The following CNTNAP2 variants were observed in gnomAD, a reference collection of about 807,000 sequenced individuals.
CNTNAP2 encodes the protein contactin associated protein 2.
CNTNAP2 carries 98 observed loss-of-function variants against 155.2 expected under a neutral mutation model. The observed-to-expected ratio is 0.63, with a 90% CI of 0.54 to 0.75. CNTNAP2 has a LOEUF of 0.75. Ranked by LOEUF, CNTNAP2 falls within the 30% of genes least tolerant of loss-of-function variation. The probability of loss-of-function intolerance (pLI) is 0.00; values close to 1 mark genes in which losing one functional copy is unlikely to be tolerated. For synonymous variants in CNTNAP2, 651 were observed against 631.2 expected, an observed-to-expected ratio of 1.03 and a Z score of -0.47; for missense variants, 1,727 against 1,688.1, an observed-to-expected ratio of 1.02 and a Z score of -0.40.
intron 8 of CNTNAP2, among the ~76,000 whole-genome samples, chr7:147,290,142 A>C (rs568220622): frequency 1.6e-4 from 25 of 152,318 alleles, no homozygotes; most frequent in African/African-American, 5.1e-4. Context: ...TGCACCAACT[A>C]ATCAATACAT....
intron 1 of CNTNAP2, among the ~76,000 whole-genome samples, chr7:146,228,772 G>A (rs1406192563): frequency 6.6e-6 from 1 of 151,950 alleles, no homozygotes; most frequent in African/African-American, 2.4e-5. Context: ...AATGATTCTT[G>A]TAAATAGAGA....
chr7:147,138,919 G>A (rs1314889992), intron 8 of CNTNAP2, among the ~76,000 whole-genome samples: 1 of 152,054 alleles, frequency 6.6e-6, no homozygotes, highest in Admixed American at 6.6e-5. Flanking sequence ...AGGTGCCAAT[G>A]AGAACCAGAC....
intron 16 of CNTNAP2, among the ~76,000 whole-genome samples, chr7:148,145,816 C>T (rs1805166341): frequency 6.6e-6 from 1 of 152,168 alleles, no homozygotes; most frequent in South Asian, 2.1e-4. Context: ...CAAGTTCAAT[C>T]CAGTCCCAAT....
At chr7:147,501,286 GTGAAAAAC>G (rs1414183512) in intron 11 of CNTNAP2, among the ~76,000 whole-genome samples, 1 of 151,452 alleles carries the variant, frequency 6.6e-6, no homozygotes. Context: ...ATCCTCAATG[GTGAAAAAC>G]TGAACGCTTT....
At chr7:146,119,232 C>T (rs1480311918) in intron 1 of CNTNAP2, among the ~76,000 whole-genome samples, 3 of 152,040 alleles carry the variant, frequency 2.0e-5, no homozygotes, top group Non-Finnish European at 4.4e-5. Context: ...TTCTTTGGTA[C>T]ACATTTTTAA....
chr7:147,935,424 C>T (rs766034455), intron 14 of CNTNAP2, among the ~76,000 whole-genome samples: 2 of 152,044 alleles, frequency 1.3e-5, no homozygotes, highest in African/African-American at 2.4e-5. Flanking sequence ...TGCGCCCAGC[C>T]GAGTAAATCT....
At chr7:147,000,709 G>C (rs1365715717) in intron 3 of CNTNAP2, among the ~76,000 whole-genome samples, 1 of 152,078 alleles carries the variant, frequency 6.6e-6, no homozygotes, top group African/African-American at 2.4e-5. Context: ...AGGGCTAAAA[G>C]TCCATGAATT....
chr7:146,726,797 T>C (rs557825528), intron 1 of CNTNAP2, among the ~76,000 whole-genome samples: 3 of 152,180 alleles, frequency 2.0e-5, no homozygotes, highest in Admixed American at 2.0e-4. Flanking sequence ...ATTAAGTACC[T>C]AATAATAATG....
intron 18 of CNTNAP2, among the ~76,000 whole-genome samples, chr7:148,173,418 C>T (rs2972113): frequency 0.03 from 4,618 of 152,218 alleles, 214 homozygotes; most frequent in African/African-American, 0.098. Context: ...ACATAAGTAG[C>T]CTGTTCAGAC....
At chr7:146,823,162 C>T (rs894401497) in intron 2 of CNTNAP2, among the ~76,000 whole-genome samples, 1 of 145,624 alleles carries the variant, frequency 6.9e-6, no homozygotes, top group African/African-American at 2.5e-5. Flanking sequence ...GAAATATACT[C>T]ATTCTTCAGC....
chr7:146,705,408 G>T (rs1275571605), intron 1 of CNTNAP2, among the ~76,000 whole-genome samples: 3 of 152,020 alleles, frequency 2.0e-5, no homozygotes, highest in African/African-American at 7.3e-5. Context: ...GCATGGTGGG[G>T]AGGGCAAGAC....
chr7:147,415,239 G>A (rs1465423314), intron 10 of CNTNAP2, among the ~76,000 whole-genome samples: 1 of 152,118 alleles, frequency 6.6e-6, no homozygotes, highest in Non-Finnish European at 1.5e-5. Context: ...AAAGGGTGCT[G>A]CCCTGCCTTC....
chr7:147,802,707 G>T (rs1441560671), intron 13 of CNTNAP2, among the ~76,000 whole-genome samples: 4 of 151,206 alleles, frequency 2.6e-5, no homozygotes, highest in Non-Finnish European at 5.9e-5. Context: ...GGAGGTTGCA[G>T]TGAGCCGAGA....
chr7:147,380,879 AT>A (rs1331270981), intron 9 of CNTNAP2, among the ~76,000 whole-genome samples: 1 of 152,202 alleles, frequency 6.6e-6, no homozygotes, highest in African/African-American at 2.4e-5. Flanking sequence ...AATGATACTA[AT>A]TTTTTTAATA....
chr7:147,189,827 CT>C lies in CNTNAP2; in HGVS notation c.1348+57319del, dbSNP rs1480096882. On this transcript the variant is annotated intron_variant, in intron 8 of 23. Coordinates refer to ENST00000361727, the MANE Select transcript of CNTNAP2 (RefSeq NM_014141.6). ...TGGCGCGATCTCGGCTCACTGTAAG[CT>C]CCGCCCCCCAAGTTCACACCATTCT... Among the ~76,000 whole-genome samples the C allele has an allele frequency of 3.3e-5, 5 of 152,122 alleles. No homozygotes were observed. In the East Asian group the frequency reaches 9.7e-4, roughly 29 times the overall value.
intron 1 of CNTNAP2, among the ~76,000 whole-genome samples, chr7:146,176,281 CAG>C (rs1203908295): frequency 1.3e-5 from 2 of 152,128 alleles, no homozygotes; most frequent in African/African-American, 4.8e-5. Flanking sequence ...GGGGGAAAAA[CAG>C]AGCAAATAAT....
intron 1 of CNTNAP2, among the ~76,000 whole-genome samples, chr7:146,645,707 G>C (rs760347790): frequency 3.3e-5 from 5 of 152,024 alleles, no homozygotes; most frequent in Non-Finnish European, 5.9e-5. Context: ...GGCTTTTAGT[G>C]TATCCACAGA....
chr7:147,038,293 A>T (rs578094296), intron 3 of CNTNAP2, among the ~76,000 whole-genome samples: 41 of 126,928 alleles, frequency 3.2e-4, no homozygotes, highest in African/African-American at 1.2e-3. Context: ...ATTATTCTAA[A>T]CCTCAAATGT....
chr7:148,149,880 A>T (rs1051958714), intron 17 of CNTNAP2, among the ~76,000 whole-genome samples: 1 of 151,944 alleles, frequency 6.6e-6, no homozygotes, highest in African/African-American at 2.4e-5. Context: ...CAATTGTAAA[A>T]CCATTGATGA....
Sources: allele counts gnomAD v4.1 joint callset (sites outside exome capture counted in the v4.1 genomes callset), GRCh38; gene constraint gnomAD v4.1.1; transcripts MANE v1.5; gene names NCBI Gene and HGNC (gene_info 2026-07-23, HGNC 2026-07-21).